Variants in ERMAP observed in about 807,000 individuals in gnomAD.
ERMAP encodes erythroblast membrane associated protein (Scianna blood group).
A neutral mutation model predicts 49.5 loss-of-function variants in ERMAP; 34 were observed. The observed-to-expected ratio is 0.69, with a 90% confidence interval of 0.52 to 0.91. The LOEUF is 0.91. Among genes scored for constraint, ERMAP ranks in the 40% least tolerant of loss-of-function variants. The probability of loss-of-function intolerance (pLI) is 0.00; values close to 1 mark genes in which losing one functional copy is unlikely to be tolerated. For synonymous variants in ERMAP, 214 were observed against 232.2 expected, an observed-to-expected ratio of 0.92 and a Z score of 0.71; for missense variants, 541 against 582.6, an observed-to-expected ratio of 0.93 and a Z score of 0.74.
rs753181834 is a variant in ERMAP, at chr1:42,842,614, T to G, written c.810T>G (p.Pro270=). 3 of 1,614,204 alleles carry G rather than the reference T, an allele frequency of 1.9e-6. No individual in the cohort carries two copies. The highest frequency in any genetic ancestry group is 2.5e-6 in the Non-Finnish European group (3 of 1,180,036). ...VRLGDRRQPV[P]DNPQRFDFVV... is the part of the protein sequence containing the mutation. ...TTGGAGACAGACGGCAGCCTGTACC[T>G]GACAACCCCCAGAGATTTGATTTCG... Residue 270 remains proline, a synonymous_variant, in exon 12 of 12, where the codon CCT becomes CCG. Transcript: ENST00000372517.
intron 11 of ERMAP, 116 bp downstream of exon 11, chr1:42,840,412 C>G (rs1253299874): frequency 2.4e-6 from 3 of 1,246,390 alleles, no homozygotes; most frequent in Non-Finnish European, 2.3e-6. Context: ...ATTTTTAAAT[C>G]AAATCTGTAT....
intron 4 of ERMAP, among the ~76,000 whole-genome samples, chr1:42,833,835 G>A (rs1654818426): frequency 1.3e-5 from 2 of 152,134 alleles, no homozygotes; most frequent in African/African-American, 2.4e-5. Flanking sequence ...AGGATTACAG[G>A]TGTGAGTCAC....
In ERMAP at chr1:42,830,628, G is replaced by A. The variant is rs916757366; in HGVS notation, c.85+95G>A. On this transcript the variant is annotated intron_variant, in intron 3 of 11. Transcript: ENST00000372517. ...GGCTGGAAACATTATGTCTTTTGGG[G>A]TTCTGTTCCCCCGGCCCTGGCAATC... 4 of 1,499,044 alleles carry A rather than the reference G, an allele frequency of 2.7e-6. No individual in the cohort carries two copies. The African/African-American group carries it at 5.5e-5, about 21-fold the overall frequency. 92.9% of individuals were successfully genotyped at this position (1,499,044 alleles called of 1,614,324 possible). A position where few individuals can be genotyped will look rare whatever the true frequency, so the allele number is the denominator to read the frequency against.
chr1:42,831,202 TTTTC>T, intron 4 of ERMAP, 87 bp downstream of exon 4: 1 of 1,459,600 alleles, frequency 6.9e-7, no homozygotes, highest in Non-Finnish European at 9.2e-7. Flanking sequence ...ATGTCTAGAC[TTTTC>T]TTTCATCTGC....
intron 1 of ERMAP, among the ~76,000 whole-genome samples, chr1:42,818,759 T>C (rs1477724749): frequency 6.6e-6 from 1 of 152,138 alleles, no homozygotes; most frequent in Admixed American, 6.5e-5. Flanking sequence ...ATGTGAGCAA[T>C]TGCGCCCAGC....
chr1:42,832,484 C>T (rs1654775311), intron 4 of ERMAP, among the ~76,000 whole-genome samples: 1 of 152,130 alleles, frequency 6.6e-6, no homozygotes. Flanking sequence ...TCTCCTGCCT[C>T]AGCCTCCCGA....
In ERMAP at chr1:42,842,674, T is replaced by C. The variant is rs1655093633; in HGVS notation, c.870T>C (p.Thr290=). 2 of 1,614,196 alleles carry C rather than the reference T, an allele frequency of 1.2e-6. No homozygotes were observed. The highest frequency in any genetic ancestry group is 1.1e-5 in the South Asian group (1 of 91,082). ...TCCTAGGCTCTGAGTACTTCACGAC[T>C]GGCTGCCACTACTGGGAGGTGTATG... ...VSILGSEYFT[T]GCHYWEVYVG... is the part of the protein sequence containing the mutation. The change falls in exon 12 of 12, where the codon ACT becomes ACC. Residue 290 remains threonine, a synonymous_variant. Transcript: ENST00000372517.
chr1:42,830,775 A>G lies in ERMAP; in HGVS notation c.93A>G (p.Ala31=), dbSNP rs981372230. ...LRLSVHVSGH[A]GDAGKFHVAL... is the part of the protein sequence containing the mutation. ...GTCTCTTTTTTTGTCCAGGCCACGC[A>G]GGGGATGCCGGCAAGTTCCACGTGG... Residue 31 remains alanine (A), a synonymous_variant, in exon 4 of 12, where the codon GCA becomes GCG. Coordinates refer to ENST00000372517, the MANE Select transcript of ERMAP (RefSeq NM_001017922.2). The G allele has an allele frequency of 6.5e-7, 1 of 1,543,442 alleles. No individual in the cohort carries two copies. Among genetic ancestry groups the G allele is most frequent in the African/African-American group, 1.4e-5 (1 of 72,890 alleles).
chr1:42,817,267 T>C lies in ERMAP; in HGVS notation c.-122+14T>C, dbSNP rs1557601410. The C allele has an allele frequency of 1.6e-6, 2 of 1,241,914 alleles. No homozygotes were observed. Among genetic ancestry groups the C allele is most frequent in the Admixed American group, 2.6e-5 (1 of 38,212 alleles). The allele number at this position is 1,241,914 out of a possible 1,614,324, so 76.9% of individuals were successfully genotyped here. On this transcript the variant is annotated intron_variant, in intron 1 of 11. Coordinates refer to ENST00000372517, the MANE Select transcript of ERMAP (RefSeq NM_001017922.2). The stretch of plus-strand genomic sequence containing the variant: ...GCCTCCGGGAGGGTAATCCTCGCCT[T>C]CCCCCGACCACTGGACCCAGCGCTG...
At chr1:42,831,571 TTC>T (rs1654737466) in intron 4 of ERMAP, among the ~76,000 whole-genome samples, 5 of 79,910 alleles carry the variant, frequency 6.3e-5, no homozygotes, top group Admixed American at 3.1e-4. Context: ...TTTTTTTTTT[TTC>T]TCTTTTTTTT....
chr1:42,837,697 A>G (rs1446819642), intron 7 of ERMAP: 2 of 152,186 alleles, frequency 1.3e-5, no homozygotes, highest in Non-Finnish European at 2.9e-5. Context: ...TAAAACAGGC[A>G]ACCTTAAAAA....
rs765865198 is a variant in ERMAP, at chr1:42,819,198, TGTGTGTGTGC to T, written c.-122+1947_-122+1956del. ...GTGTGTGTGTGTGTGTGTGTGTGTG[TGTGTGTGTGC>T]GCGCGCGCAAGAGAGGGACCGAGAG... On this transcript the variant is annotated intron_variant, in intron 1 of 11. Transcript: ENST00000372517. The surrounding 1 kb of genome is among the most constrained non-coding windows in gnomAD (Gnocchi z 5.1). 2.4e-3 allele frequency among the ~76,000 whole-genome samples: 351 copies of T among 145,878 alleles called. 1 individual carries two copies. The highest frequency in any genetic ancestry group is 4.4e-3 in the Non-Finnish European group (288 of 65,088).
chr1:42,823,443 A>C (rs1654452883), intron 1 of ERMAP, among the ~76,000 whole-genome samples: 1 of 152,362 alleles, frequency 6.6e-6, no homozygotes. Context: ...ATCAAGCAGC[A>C]GATAAAAATT....
intron 4 of ERMAP, among the ~76,000 whole-genome samples, chr1:42,831,577 T>TCTTTTTTTTTTTTTTTTTTTTTTTTC (rs34287851): frequency 1.4e-5 from 1 of 71,350 alleles, no homozygotes; most frequent in Admixed American, 1.8e-4. Flanking sequence ...TTTTTTCTCT[T>TCTTTTTTTTTTTTTTTTTTTTTTTTC]TTTTTTTTTT....
intron 11 of ERMAP, among the ~76,000 whole-genome samples, chr1:42,841,454 A>G (rs1655054734): frequency 6.6e-6 from 1 of 152,206 alleles, no homozygotes; most frequent in African/African-American, 2.4e-5. Context: ...TCAAGGCTGT[A>G]GTGTGTTATG....
chr1:42,827,237 A>G (rs1654581686), intron 2 of ERMAP, among the ~76,000 whole-genome samples: 1 of 152,180 alleles, frequency 6.6e-6, no homozygotes, highest in Non-Finnish European at 1.5e-5. Flanking sequence ...GGGCGTGATC[A>G]TGGCTCACTG....
At position 42,841,312 on chromosome 1, in the gene ERMAP, G is replaced by A. The variant is rs976253850; in HGVS notation, c.712+1016G>A. The stretch of plus-strand genomic sequence containing the variant: ...TGTTTCCTGTATTTGGGGAAGGAAG[G>A]AGACTCACTGTGACACTCATAATCC... On this transcript the variant is annotated intron_variant, in intron 11 of 11. Coordinates refer to ENST00000372517, the MANE Select transcript of ERMAP (RefSeq NM_001017922.2). 3.3e-5 allele frequency among the ~76,000 whole-genome samples: 5 copies of A among 152,186 alleles called. No individual in the cohort carries two copies. In the South Asian group the frequency reaches 1.0e-3, roughly 32 times the overall value.
In ERMAP at chr1:42,839,654, T is replaced by C. The variant is rs559494736; in HGVS notation, c.638-379T>C. The C allele has an allele frequency of 3.3e-4, 93 of 281,784 alleles. 2 individuals carry two copies. In the East Asian group the frequency reaches 6.5e-3, roughly 20 times the overall value. The allele number at this position is 281,784 out of a possible 1,614,324, so 17.5% of individuals were successfully genotyped here. A position where few individuals can be genotyped will look rare whatever the true frequency, so the allele number is the denominator to read the frequency against. ...AATCTGTAGACATGTGACATATCTA[T>C]GCATTAATTATTACATTGAGAAAAT... is the stretch of plus-strand genomic sequence containing the variant. On this transcript the variant is annotated intron_variant, in intron 8 of 11. Transcript: ENST00000372517.
At chr1:42,834,918 A>T in intron 4 of ERMAP, 120 bp from the exon 5 acceptor site, 1 of 682,194 alleles carries the variant, frequency 1.5e-6, no homozygotes, top group South Asian at 1.7e-5. Context: ...TCTTGGCCGG[A>T]GCTCTCTCCC....
Sources: gnomAD v4.1 joint callset for allele counts (sites outside exome capture counted in the v4.1 genomes callset) on GRCh38, gnomAD v4.1.1 for gene constraint, Gnocchi (gnomAD v3.1) non-coding constraint, MANE v1.5 for transcripts, NCBI Gene and HGNC (gene_info 2026-07-23, HGNC 2026-07-21) for gene names.